The following AKAP19 variants were observed in gnomAD, a reference collection of about 807,000 sequenced individuals.
AKAP19 encodes the protein small A-kinase anchoring protein.
chr2:189,918,354 TA>T, the AKAP19 span, among the ~76,000 whole-genome samples: 1 of 152,126 alleles, frequency 6.6e-6, no homozygotes, highest in Non-Finnish European at 1.5e-5. Flanking sequence ...GGCCTCCTAG[TA>T]CCACACTCCC....
chr2:190,114,622 A>AT, the AKAP19 span, among the ~76,000 whole-genome samples: 2 of 151,890 alleles, frequency 1.3e-5, no homozygotes, highest in East Asian at 1.9e-4. Context: ...TGCCTGGCTA[A>AT]TTTTTTTGTA....
the AKAP19 span, among the ~76,000 whole-genome samples, chr2:189,996,501 TG>T: frequency 7.0e-4 from 106 of 152,176 alleles, no homozygotes; most frequent in Non-Finnish European, 1.2e-3. Flanking sequence ...TATCCTGTAT[TG>T]TTTTTTTAAA....
At chr2:190,024,543 C>G in the AKAP19 span, among the ~76,000 whole-genome samples, 2 of 151,974 alleles carry the variant, frequency 1.3e-5, no homozygotes, top group African/African-American at 4.8e-5. Flanking sequence ...CTGAGGATAT[C>G]TAGGCTGCAT....
chr2:190,044,213 C>T, the AKAP19 span, among the ~76,000 whole-genome samples: 1 of 152,144 alleles, frequency 6.6e-6, no homozygotes, highest in Non-Finnish European at 1.5e-5. Context: ...GTTCCTTCCC[C>T]AGCTTGGAGG....
the AKAP19 span, chr2:190,199,689 C>T: frequency 1.2e-4 from 173 of 1,425,318 alleles, no homozygotes; most frequent in South Asian, 2.5e-3. Flanking sequence ...CCTACCTTCT[C>T]TTGACAGGTA....
At chr2:189,949,339 G>T in the AKAP19 span, among the ~76,000 whole-genome samples, 1 of 151,970 alleles carries the variant, frequency 6.6e-6, no homozygotes, top group Non-Finnish European at 1.5e-5. Context: ...GGATCACGAG[G>T]TCAGGAGTTC....
chr2:190,035,962 G>A, the AKAP19 span, among the ~76,000 whole-genome samples: 1 of 152,170 alleles, frequency 6.6e-6, no homozygotes, highest in African/African-American at 2.4e-5. Context: ...TGTGATGGGT[G>A]TGTTTATTAT....
At chr2:189,891,084 A>G in the AKAP19 span, among the ~76,000 whole-genome samples, 9 of 152,040 alleles carry the variant, frequency 5.9e-5, no homozygotes, top group African/African-American at 1.9e-4. Flanking sequence ...TGCTTCCTTC[A>G]GGAGCTCTTG....
the AKAP19 span, among the ~76,000 whole-genome samples, chr2:189,943,663 G>A: frequency 2.0e-5 from 3 of 152,200 alleles, no homozygotes; most frequent in African/African-American, 7.2e-5. Flanking sequence ...AAAGCTGCAG[G>A]CACTCAACAC....
chr2:190,165,580 C>T, the AKAP19 span, among the ~76,000 whole-genome samples: 26 of 152,256 alleles, frequency 1.7e-4, no homozygotes, highest in African/African-American at 6.3e-4. Context: ...ATAGAACTTT[C>T]AATTTACAGA....
At chr2:190,133,334 A>T in the AKAP19 span, among the ~76,000 whole-genome samples, 3 of 152,074 alleles carry the variant, frequency 2.0e-5, no homozygotes, top group Admixed American at 2.0e-4. Flanking sequence ...TATGAAAAAA[A>T]CATGCTCAAC....
the AKAP19 span, among the ~76,000 whole-genome samples, chr2:189,966,335 A>G: frequency 6.6e-6 from 1 of 152,188 alleles, no homozygotes; most frequent in African/African-American, 2.4e-5. Flanking sequence ...AAACCTATGG[A>G]AATAAAAAAA....
the AKAP19 span, among the ~76,000 whole-genome samples, chr2:189,941,476 G>A: frequency 6.6e-6 from 1 of 152,018 alleles, no homozygotes; most frequent in African/African-American, 2.4e-5. Flanking sequence ...AAATGTGGGA[G>A]GGTGGCGAGA....
At chr2:190,043,020 C>T in the AKAP19 span, among the ~76,000 whole-genome samples, 1 of 152,276 alleles carries the variant, frequency 6.6e-6, no homozygotes, top group African/African-American at 2.4e-5. Context: ...AATATAGACC[C>T]CCAATCTCAT....
the AKAP19 span, among the ~76,000 whole-genome samples, chr2:189,927,325 CAG>C: frequency 6.6e-6 from 1 of 152,122 alleles, no homozygotes; most frequent in Admixed American, 6.5e-5. Flanking sequence ...CACTTTTGGT[CAG>C]AGAGTGAATA....
chr2:190,177,559 C>T, the AKAP19 span, among the ~76,000 whole-genome samples: 1 of 152,186 alleles, frequency 6.6e-6, no homozygotes, highest in African/African-American at 2.4e-5. This position sits in a 1 kb window ranked among gnomAD's most constrained non-coding sequence, Gnocchi z 4.6. Context: ...TCTGCCTCGC[C>T]GGCATAACCT....
At chr2:190,059,796 C>G in the AKAP19 span, among the ~76,000 whole-genome samples, 1 of 151,682 alleles carries the variant, frequency 6.6e-6, no homozygotes, top group Non-Finnish European at 1.5e-5. Context: ...ATTTCATTCC[C>G]AATTCAAAAG....
chr2:190,146,966 T>C, the AKAP19 span, among the ~76,000 whole-genome samples: 1 of 152,248 alleles, frequency 6.6e-6, no homozygotes, highest in Non-Finnish European at 1.5e-5. Flanking sequence ...TTTACTCTGC[T>C]GACTGTTCAT....
the AKAP19 span, among the ~76,000 whole-genome samples, chr2:190,012,611 T>A: frequency 5.3e-5 from 8 of 152,334 alleles, no homozygotes; most frequent in South Asian, 1.7e-3. Context: ...ATATTTATCT[T>A]GCCTAATTAC....
Sources: gnomAD v4.1 joint callset for allele counts (sites outside exome capture counted in the v4.1 genomes callset) on GRCh38, gnomAD v4.1.1 for gene constraint, Gnocchi (gnomAD v3.1) non-coding constraint, MANE v1.5 for transcripts, NCBI Gene and HGNC (gene_info 2026-07-23, HGNC 2026-07-21) for gene names.